The following CCDC192 variants were observed in gnomAD, a reference collection of about 807,000 sequenced individuals.
The protein encoded by CCDC192 is coiled-coil domain containing 192.
chr5:127,793,165 C>A (rs1024816605), intron 3 of CCDC192, among the ~76,000 whole-genome samples: 6 of 152,050 alleles, frequency 3.9e-5, no homozygotes, highest in Non-Finnish European at 8.8e-5. Flanking sequence ...TTTTTAAAAT[C>A]CTATCATAGG....
intron 2 of CCDC192, among the ~76,000 whole-genome samples, chr5:127,718,521 T>C (rs1751771745): frequency 6.6e-6 from 1 of 152,196 alleles, no homozygotes; most frequent in Non-Finnish European, 1.5e-5. Flanking sequence ...TTTTATTCTC[T>C]ATGAGGGTGT....
At chr5:127,716,185 T>C (rs1410679141) in intron 2 of CCDC192, among the ~76,000 whole-genome samples, 2 of 152,118 alleles carry the variant, frequency 1.3e-5, no homozygotes, top group Non-Finnish European at 2.9e-5. Flanking sequence ...ATGTAATGAG[T>C]AATGTTTATT....
intron 3 of CCDC192, among the ~76,000 whole-genome samples, chr5:127,787,753 T>C (rs1013564906): frequency 6.6e-6 from 1 of 152,190 alleles, no homozygotes; most frequent in African/African-American, 2.4e-5. Context: ...TTATGTCTAG[T>C]TGATTTATAG....
intron 6 of CCDC192, among the ~76,000 whole-genome samples, chr5:127,876,574 G>T (rs899690728): frequency 2.6e-5 from 4 of 152,130 alleles, no homozygotes; most frequent in Admixed American, 2.6e-4. Flanking sequence ...CTTCACTCCT[G>T]CCTGGTGAAT....
At chr5:127,768,742 T>C (rs1316196629) in intron 3 of CCDC192, among the ~76,000 whole-genome samples, 2 of 152,202 alleles carry the variant, frequency 1.3e-5, no homozygotes, top group East Asian at 3.8e-4. Context: ...GTCTCTTCTG[T>C]CTAGAATGGG....
intron 3 of CCDC192, among the ~76,000 whole-genome samples, chr5:127,763,201 C>G (rs1404646000): frequency 2.0e-5 from 3 of 152,160 alleles, no homozygotes; most frequent in Non-Finnish European, 4.4e-5. Context: ...TCACAGACAA[C>G]TCAAGCTCTC....
intron 5 of CCDC192, among the ~76,000 whole-genome samples, chr5:127,801,429 T>C (rs1757502241): frequency 6.6e-6 from 1 of 151,960 alleles, no homozygotes; most frequent in Admixed American, 6.6e-5. Context: ...CCATCCTGAG[T>C]GAAGTTTCCA....
At chr5:127,791,812 A>T (rs1358472548) in intron 3 of CCDC192, among the ~76,000 whole-genome samples, 1 of 152,232 alleles carries the variant, frequency 6.6e-6, no homozygotes, top group Non-Finnish European at 1.5e-5. Context: ...AAATCTTACA[A>T]TGTAAAGTAT....
intron 5 of CCDC192, among the ~76,000 whole-genome samples, chr5:127,828,496 A>G (rs1424685947): frequency 1.3e-5 from 2 of 152,218 alleles, no homozygotes; most frequent in Non-Finnish European, 2.9e-5. Flanking sequence ...ATCTGTTATG[A>G]GCCAGGCTCT....
intron 3 of CCDC192, among the ~76,000 whole-genome samples, chr5:127,768,020 G>A (rs1320244566): frequency 1.3e-5 from 2 of 152,146 alleles, no homozygotes; most frequent in East Asian, 1.9e-4. Flanking sequence ...TTGGGAGGCC[G>A]AGGTGGGCGG....
At chr5:127,768,266 TAA>T in intron 3 of CCDC192, among the ~76,000 whole-genome samples, 1 of 148,120 alleles carries the variant, frequency 6.8e-6, no homozygotes, top group South Asian at 2.1e-4. Flanking sequence ...AATAAAAAAG[TAA>T]AAAAAAAATA....
At chr5:127,786,027 C>T (rs991050427) in intron 3 of CCDC192, 20 of 617,828 alleles carry the variant, frequency 3.2e-5, no homozygotes, top group Non-Finnish European at 6.0e-5. Flanking sequence ...GAATCTGTGT[C>T]TCCAGCAGTT....
intron 6 of CCDC192, among the ~76,000 whole-genome samples, chr5:127,939,157 G>T (rs776373417): frequency 8.8e-6 from 1 of 113,428 alleles, no homozygotes; most frequent in Non-Finnish European, 1.6e-5. Flanking sequence ...TCACTCTGTC[G>T]CCCAGGCTGG....
At chr5:127,867,572 C>T (rs915144442) in intron 5 of CCDC192, among the ~76,000 whole-genome samples, 24 of 152,182 alleles carry the variant, frequency 1.6e-4, no homozygotes, top group African/African-American at 5.5e-4. Flanking sequence ...CCTTTGGGCA[C>T]TTTCTGTCCC....
chr5:127,836,244 T>G (rs973274460), intron 5 of CCDC192, among the ~76,000 whole-genome samples: 1 of 152,204 alleles, frequency 6.6e-6, no homozygotes, highest in Non-Finnish European at 1.5e-5. Context: ...ATGTCTCACA[T>G]CCACGCCACA....
intron 5 of CCDC192, among the ~76,000 whole-genome samples, chr5:127,865,075 A>C (rs1159591635): frequency 6.6e-6 from 1 of 152,172 alleles, no homozygotes; most frequent in African/African-American, 2.4e-5. Context: ...TCAACCCGGG[A>C]GGCGGAGGTT....
intron 5 of CCDC192, among the ~76,000 whole-genome samples, chr5:127,798,685 C>T (rs769951716): frequency 2.0e-5 from 3 of 151,578 alleles, no homozygotes; most frequent in Non-Finnish European, 4.4e-5. Flanking sequence ...TCAGGACACA[C>T]GTTAAGTGAC....
chr5:127,928,026 C>G (rs1207598562), intron 6 of CCDC192, among the ~76,000 whole-genome samples: 2 of 145,640 alleles, frequency 1.4e-5, no homozygotes, highest in Non-Finnish European at 3.0e-5. Context: ...CTCCCAGATT[C>G]AAGTGATTCT....
chr5:127,737,986 G>A (rs1260371795), intron 2 of CCDC192, among the ~76,000 whole-genome samples: 1 of 150,698 alleles, frequency 6.6e-6, no homozygotes, highest in Non-Finnish European at 1.5e-5. Context: ...ATGTTAGCTG[G>A]TTATTTTGCT....
Sources: allele counts gnomAD v4.1 joint callset (sites outside exome capture counted in the v4.1 genomes callset), GRCh38; gene constraint gnomAD v4.1.1; transcripts MANE v1.5; gene names NCBI Gene and HGNC (gene_info 2026-07-23, HGNC 2026-07-21).